LRP11: variants seen among roughly 807,000 people sequenced by gnomAD.
The protein encoded by LRP11 is LDL receptor related protein 11.
Under a neutral mutation model 43.1 loss-of-function variants are expected in LRP11, and 25 were observed. The observed-to-expected ratio is 0.58, with a 90% CI of 0.42 to 0.81. The LOEUF (loss-of-function observed/expected upper bound fraction) is 0.81. Ranked by LOEUF, LRP11 falls within the 30% of genes least tolerant of loss-of-function variation. The probability of loss-of-function intolerance (pLI) is 0.00; values close to 1 mark genes in which losing one functional copy is unlikely to be tolerated. For synonymous variants in LRP11, 316 were observed against 299.4 expected (o/e 1.06, Z -0.57); for missense variants, 623 against 665.1 (o/e 0.94, Z 0.70).
chr6:149,839,537 T>C (rs1776518128), intron 3 of LRP11, among the ~76,000 whole-genome samples: 1 of 152,242 alleles, frequency 6.6e-6, no homozygotes, highest in African/African-American at 2.4e-5. Context: ...TTTGGTGATT[T>C]TGGAGATGGA....
intron 1 of LRP11, among the ~76,000 whole-genome samples, chr6:149,857,515 A>AAG (rs1776818348): frequency 6.6e-6 from 1 of 151,990 alleles, no homozygotes; most frequent in South Asian, 2.1e-4. Flanking sequence ...AAAAAAAAAA[A>AAG]AAAAAGTAAA....
At chr6:149,843,191 A>C in intron 2 of LRP11, 67 bp from the exon 3 acceptor site, 77 of 1,584,566 alleles carry the variant, frequency 4.9e-5, no homozygotes, top group Non-Finnish European at 6.0e-5. Flanking sequence ...CACCATCCTC[A>C]ACCGAAAGTC....
At chr6:149,842,730 G>A (rs979001906) in intron 3 of LRP11, 26 of 1,520,976 alleles carry the variant, frequency 1.7e-5, no homozygotes, top group South Asian at 3.6e-5. Flanking sequence ...TGATGAAGTC[G>A]AGTCAAGAGA....
intron 3 of LRP11, chr6:149,842,579 G>T: frequency 6.8e-7 from 1 of 1,479,210 alleles, no homozygotes; most frequent in Non-Finnish European, 9.2e-7. Context: ...ACAGCCTCCA[G>T]TAACCGCCAT....
chr6:149,854,131 G>A (rs765295794), intron 1 of LRP11, among the ~76,000 whole-genome samples: 8 of 152,098 alleles, frequency 5.3e-5, no homozygotes, highest in Non-Finnish European at 1.0e-4. Flanking sequence ...CTTTGTTTTT[G>A]TTTTGTTTTG....
intron 1 of LRP11, among the ~76,000 whole-genome samples, chr6:149,862,751 T>C (rs1204137158): frequency 6.6e-6 from 1 of 152,058 alleles, no homozygotes; most frequent in African/African-American, 2.4e-5. Flanking sequence ...GGCTAATTTT[T>C]GTATTTTTAG....
At chr6:149,840,132 T>C (rs1475698664) in intron 3 of LRP11, among the ~76,000 whole-genome samples, 4 of 152,208 alleles carry the variant, frequency 2.6e-5, no homozygotes, top group African/African-American at 7.2e-5. Context: ...TACCTGCTCA[T>C]CTGTCTACCT....
intron 1 of LRP11, among the ~76,000 whole-genome samples, chr6:149,856,206 T>G (rs1381481643): frequency 2.0e-5 from 3 of 152,210 alleles, no homozygotes; most frequent in Non-Finnish European, 2.9e-5. Context: ...CTCTCAAAGA[T>G]TTAAGATGGA....
At chr6:149,853,632 C>T (rs761947211) in intron 1 of LRP11, among the ~76,000 whole-genome samples, 6 of 152,096 alleles carry the variant, frequency 3.9e-5, no homozygotes, top group Non-Finnish European at 7.4e-5. Flanking sequence ...CTCAACCGCC[C>T]GAGTAGCTGG....
In LRP11 at chr6:149,820,209, G is replaced by C. The variant is rs1490200829; in HGVS notation, c.*340C>G. ...CAGCATGGTAAGGGGCCAACAGTTG[G>C]CTTCTAAAAGGTAATGGGTTAACAC... On this transcript the variant is annotated 3_prime_UTR_variant, in exon 7 of 7. Coordinates refer to ENST00000239367, the MANE Select transcript of LRP11 (RefSeq NM_032832.6). 1 of 175,458 alleles carries C rather than the reference G, an allele frequency of 5.7e-6. No individual in the cohort carries two copies. The highest frequency in any genetic ancestry group is 2.4e-5 in the African/African-American group (1 of 41,676). The allele number at this position is 175,458 out of a possible 1,614,324, so 10.9% of individuals were successfully genotyped here.
chr6:149,842,669 C>T (rs1776566301), intron 3 of LRP11: 3 of 1,550,878 alleles, frequency 1.9e-6, no homozygotes, highest in African/African-American at 1.4e-5. Context: ...AGCAAATGGA[C>T]CATCCATCTG....
Position 149,819,742 on chromosome 6 carries a change from G to A in LRP11, c.*807C>T, listed in dbSNP as rs1452716971. ...TGCTGTGCTCTCACCATGGAGCAGT[G>A]TTGATTTGATGTAATGAAGTATTAA... is the stretch of plus-strand genomic sequence containing the variant. On this transcript the variant is annotated 3_prime_UTR_variant, in exon 7 of 7. Transcript: ENST00000239367. 6.6e-6 allele frequency: 1 copy of A among 152,138 alleles called. No homozygotes were observed. Among genetic ancestry groups the A allele is most frequent in the Non-Finnish European group, 1.5e-5 (1 of 68,036 alleles). The allele number at this position is 152,138 out of a possible 1,614,324, so 9.4% of individuals were successfully genotyped here. A position where few individuals can be genotyped will look rare whatever the true frequency, so the allele number is the denominator to read the frequency against.
At chr6:149,825,088 A>C (rs2115372076) in intron 6 of LRP11, among the ~76,000 whole-genome samples, 1 of 152,348 alleles carries the variant, frequency 6.6e-6, no homozygotes, top group Admixed American at 6.5e-5. Context: ...GAGTATTCTT[A>C]GCTATCTATT....
intron 5 of LRP11, among the ~76,000 whole-genome samples, chr6:149,833,219 G>A (rs758205807): frequency 6.6e-6 from 1 of 152,000 alleles, no homozygotes; most frequent in Non-Finnish European, 1.5e-5. Flanking sequence ...TTACAGGCGT[G>A]AGCCACCGTG....
chr6:149,856,807 A>G (rs748449274), intron 1 of LRP11, among the ~76,000 whole-genome samples: 1 of 152,150 alleles, frequency 6.6e-6, no homozygotes, highest in African/African-American at 2.4e-5. Flanking sequence ...GACAAGGAAG[A>G]CATTCTGTGC....
chr6:149,844,213 C>T (rs1583087249), intron 2 of LRP11, among the ~76,000 whole-genome samples: 2 of 149,712 alleles, frequency 1.3e-5, no homozygotes, highest in African/African-American at 4.9e-5. Context: ...AGATCACCCA[C>T]TGCATTCCAA....
Position 149,864,093 on chromosome 6 carries a change from C to CGGGCCCT in LRP11, c.-80_-74dup, listed in dbSNP as rs1554261017. 2 of 1,233,196 alleles carry CGGGCCCT rather than the reference C, an allele frequency of 1.6e-6. No individual in the cohort carries two copies. 76.4% of individuals were successfully genotyped at this position (1,233,196 alleles called of 1,614,324 possible). ...AGGAAGGCGGGGACGCGGGCGAGCG[C>CGGGCCCT]GGGCCCTGGGCCCCTCCTGCGCGGC... is the stretch of plus-strand genomic sequence containing the variant. On this transcript the variant is annotated 5_prime_UTR_variant, in exon 1 of 7. Coordinates refer to ENST00000239367, the MANE Select transcript of LRP11 (RefSeq NM_032832.6).
intron 5 of LRP11, among the ~76,000 whole-genome samples, chr6:149,834,390 T>C (rs1165961284): frequency 1.3e-5 from 2 of 152,180 alleles, no homozygotes; most frequent in Non-Finnish European, 2.9e-5. Context: ...TCCAGAGATA[T>C]GAAGTGACTT....
chr6:149,838,468 A>G (rs899007102), intron 3 of LRP11, among the ~76,000 whole-genome samples: 1 of 151,322 alleles, frequency 6.6e-6, no homozygotes, highest in East Asian at 2.0e-4. Flanking sequence ...GGTGGATCAC[A>G]AGGTCAGGAG....
Sources: allele counts gnomAD v4.1 joint callset (sites outside exome capture counted in the v4.1 genomes callset), GRCh38; gene constraint gnomAD v4.1.1; transcripts MANE v1.5; gene names NCBI Gene and HGNC (gene_info 2026-07-23, HGNC 2026-07-21).